The following SCAP variants were observed in gnomAD, a reference collection of about 807,000 sequenced individuals.
The protein encoded by SCAP is sterol regulatory element-binding protein cleavage-activating protein.
SCAP carries 65 observed loss-of-function variants against 123.6 expected under a neutral mutation model. The ratio of observed to expected loss-of-function variants is 0.53; its 90% confidence interval spans 0.43 to 0.65. The LOEUF (loss-of-function observed/expected upper bound fraction) is 0.65, where lower values mean the gene tolerates loss of function less well. SCAP is among the 30% of genes least tolerant of loss of function. The pLI, the probability that SCAP is intolerant of heterozygous loss-of-function variation, is 0.00. For synonymous variants in SCAP, 740 were observed against 726.3 expected, an observed-to-expected ratio of 1.02 and a Z score of -0.30; for missense variants, 1,398 against 1,712.5, an observed-to-expected ratio of 0.82 and a Z score of 3.24.
At chr3:47,465,723 T>C (rs1028001585) in intron 1 of SCAP, among the ~76,000 whole-genome samples, 7 of 151,262 alleles carry the variant, frequency 4.6e-5, no homozygotes, top group Non-Finnish European at 8.8e-5. Context: ...GAGCAGTGAC[T>C]GCGCCAATGC....
At position 47,417,697 on chromosome 3, in the gene SCAP, C is replaced by T. The variant is rs533270902; in HGVS notation, c.2577G>A (p.Arg859=). ...CGAAGAGGGAAGGCGGCGGAGGGCC[C>T]CGGGGGCGGTGTCTCAGGGGAGGGC... ...GDSPPLRHRP[R]GPPPPSLFGD... is the part of the protein sequence containing the mutation. Residue 859 remains arginine (R), a synonymous_variant, in exon 17 of 23, where the codon CGG becomes CGA. Coordinates refer to ENST00000265565, the MANE Select transcript of SCAP (RefSeq NM_012235.4). 1.1e-4 allele frequency: 181 copies of T among 1,608,200 alleles called. 1 individual carries two copies. In the South Asian group the frequency reaches 1.9e-3, roughly 16 times the overall value.
intron 1 of SCAP, among the ~76,000 whole-genome samples, chr3:47,473,240 G>A (rs1380347850): frequency 2.6e-5 from 4 of 151,870 alleles, no homozygotes; most frequent in Non-Finnish European, 5.9e-5. Context: ...AAAACTCTCC[G>A]TAAAGGGGGT....
intron 18 of SCAP, 33 bp from the exon 19 acceptor site, chr3:47,415,213 C>A (rs1215856128): frequency 6.3e-7 from 1 of 1,576,106 alleles, no homozygotes; most frequent in Non-Finnish European, 8.6e-7. Flanking sequence ...AGGGGCCTCT[C>A]CCTTAGAGCC....
In SCAP at chr3:47,426,078, T is replaced by C. The variant is rs1171244646; in HGVS notation, c.829A>G (p.Lys277Glu). The change falls in exon 7 of 23, where the codon AAG becomes GAG. Residue 277 changes from lysine to glutamate, a missense_variant. Physicochemically the swap from Lys to Glu is moderately conservative, Grantham distance 56. This residue lies in a region of SCAP where 319 missense variants were observed against 432.4 expected (regional missense o/e 0.74). Coordinates refer to ENST00000265565, the MANE Select transcript of SCAP (RefSeq NM_012235.4). The part of the protein sequence containing the change: ...RAESLVHVHF[K>E]EEIGVAELIP... The stretch of plus-strand genomic sequence containing the variant: ...AGCTCAGCGACACCAATCTCCTCCT[T>C]GAAGTGCACGTGGACCAGGCTCTCC... 1 of 1,614,094 alleles carries C rather than the reference T, an allele frequency of 6.2e-7. No homozygotes were observed. The highest frequency in any genetic ancestry group is 8.5e-7 in the Non-Finnish European group (1 of 1,179,974).
At chr3:47,434,821 G>C (rs1340561992) in intron 3 of SCAP, 187 bp downstream of exon 3, 2 of 625,012 alleles carry the variant, frequency 3.2e-6, no homozygotes. Flanking sequence ...TGGACAACAG[G>C]AGCAAAACTC....
In SCAP at chr3:47,413,683, G is replaced by T. The variant is rs918564837; in HGVS notation, c.*171C>A. 1 of 881,746 alleles carries T rather than the reference G, an allele frequency of 1.1e-6. No individual in the cohort carries two copies. Among genetic ancestry groups the T allele is most frequent in the Non-Finnish European group, 1.7e-6 (1 of 573,086 alleles). 54.6% of individuals were successfully genotyped at this position (881,746 alleles called of 1,614,324 possible). ...CAAACAATTCCAAGAGACACAAGTAGCTCCCAAAGTGCCTGACAGATGATG... is the reference window on the plus strand; with the variant it reads ...CAAACAATTCCAAGAGACACAAGTATCTCCCAAAGTGCCTGACAGATGATG... On this transcript the variant is annotated 3_prime_UTR_variant, in exon 23 of 23. Transcript: ENST00000265565.
At chr3:47,427,983 C>A (rs903741299) in intron 4 of SCAP, among the ~76,000 whole-genome samples, 1 of 152,106 alleles carries the variant, frequency 6.6e-6, no homozygotes, top group Non-Finnish European at 1.5e-5. Context: ...GAGCAGGGAC[C>A]GGGGTAAATT....
At chr3:47,441,874 C>T (rs199779544) in intron 2 of SCAP, among the ~76,000 whole-genome samples, 9 of 76,416 alleles carry the variant, frequency 1.2e-4, no homozygotes, top group Admixed American at 1.8e-4. Context: ...GTTCATCTTT[C>T]TTTTTTTTTT....
intron 1 of SCAP, among the ~76,000 whole-genome samples, chr3:47,458,220 C>G (rs570604300): frequency 1.4e-4 from 22 of 152,224 alleles, no homozygotes; most frequent in Non-Finnish European, 2.8e-4. Context: ...ATCACGAGGT[C>G]AGGAGTTCAA....
At chr3:47,441,599 C>A (rs1410726321) in intron 2 of SCAP, among the ~76,000 whole-genome samples, 2 of 152,088 alleles carry the variant, frequency 1.3e-5, no homozygotes, top group Non-Finnish European at 2.9e-5. Context: ...TTATCTTGTA[C>A]AACACAATTT....
At chr3:47,443,203 A>G in intron 1 of SCAP, 112 bp from the exon 2 acceptor site, 1 of 683,986 alleles carries the variant, frequency 1.5e-6, no homozygotes, top group Non-Finnish European at 2.3e-6. Context: ...GAATGCCTAT[A>G]TGCAAGGTCT....
chr3:47,470,725 G>A (rs1334163116), intron 1 of SCAP, among the ~76,000 whole-genome samples: 1 of 152,226 alleles, frequency 6.6e-6, no homozygotes, highest in Non-Finnish European at 1.5e-5. Context: ...GCCAGGTGTG[G>A]TGGCAGGTGC....
At chr3:47,434,870 G>A in intron 3 of SCAP, 138 bp downstream of exon 3, 1 of 1,070,180 alleles carries the variant, frequency 9.3e-7, no homozygotes, top group South Asian at 1.4e-5. Flanking sequence ...TATCTATATG[G>A]TACACTGATA....
At position 47,419,552 on chromosome 3, in the gene SCAP, G is replaced by A. The variant is rs1705797579; in HGVS notation, c.1716C>T (p.His572=). The change falls in exon 13 of 23, where the codon CAC becomes CAT. Residue 572 remains histidine, a synonymous_variant. Transcript: ENST00000265565. This position sits in a 1 kb window ranked among gnomAD's most constrained non-coding sequence, Gnocchi z 5.0. ...PVPSGMLPPS[H]PDPAFSIFPP... Reference sequence around the variant, plus strand: ...GGAAGATGGAGAAGGCAGGGTCCGGGTGGCTGGGGGGCAGCATGCCACTAG... The same window carrying A: ...GGAAGATGGAGAAGGCAGGGTCCGGATGGCTGGGGGGCAGCATGCCACTAG... 9.9e-6 allele frequency: 16 copies of A among 1,613,302 alleles called. No homozygotes were observed. The highest frequency in any genetic ancestry group is 1.4e-5 in the Non-Finnish European group (16 of 1,179,496).
At chr3:47,471,759 AC>A (rs1354324896) in intron 1 of SCAP, among the ~76,000 whole-genome samples, 2 of 152,184 alleles carry the variant, frequency 1.3e-5, no homozygotes, top group Non-Finnish European at 2.9e-5. Context: ...ATGCCCAACA[AC>A]AAAAATTCAA....
At chr3:47,428,868 G>C (rs956577455) in intron 3 of SCAP, 198 bp from the exon 4 acceptor site, 3 of 548,908 alleles carry the variant, frequency 5.5e-6, no homozygotes, top group Non-Finnish European at 9.4e-6. Flanking sequence ...AACTCCCTCC[G>C]CTTATGAGAT....
At chr3:47,446,941 C>CA (rs1707067164) in intron 1 of SCAP, among the ~76,000 whole-genome samples, 2 of 152,038 alleles carry the variant, frequency 1.3e-5, no homozygotes, top group South Asian at 4.1e-4. Context: ...GAGACTGTGT[C>CA]AAAAAATAAA....
chr3:47,458,685 C>T (rs1477413757), intron 1 of SCAP, among the ~76,000 whole-genome samples: 1 of 152,244 alleles, frequency 6.6e-6, no homozygotes, highest in Non-Finnish European at 1.5e-5. Flanking sequence ...AGAACACCAA[C>T]AAACCTATTA....
chr3:47,415,219 G>C, intron 18 of SCAP, 39 bp from the exon 19 acceptor site: 1 of 1,573,188 alleles, frequency 6.4e-7, no homozygotes, highest in Non-Finnish European at 8.6e-7. Context: ...CTCTCCCTTA[G>C]AGCCCCAGCC....
Sources: allele counts gnomAD v4.1 joint callset (sites outside exome capture counted in the v4.1 genomes callset), GRCh38; gene constraint gnomAD v4.1.1; regional missense constraint gnomAD v4.1.1; non-coding constraint Gnocchi (gnomAD v3.1); transcripts MANE v1.5; gene names NCBI Gene and HGNC (gene_info 2026-07-23, HGNC 2026-07-21).